SLC24A2: variants seen among roughly 807,000 people sequenced by gnomAD.
SLC24A2 encodes the protein sodium/potassium/calcium exchanger 2.
Under a neutral mutation model 62.0 loss-of-function variants are expected in SLC24A2, and 36 were observed. The observed-to-expected ratio is 0.58, with a 90% CI of 0.44 to 0.77. The LOEUF (loss-of-function observed/expected upper bound fraction) is 0.77, where lower values mean the gene tolerates loss of function less well. Among genes scored for constraint, SLC24A2 ranks in the 30% least tolerant of loss-of-function variants. SLC24A2 has a pLI of 0.00. For synonymous variants in SLC24A2, 358 were observed against 294.0 expected, an observed-to-expected ratio of 1.22 and a Z score of -2.23; for missense variants, 846 against 817.9, an observed-to-expected ratio of 1.03 and a Z score of -0.42.
At chr9:19,914,614 T>C in the SLC24A2 span, among the ~76,000 whole-genome samples, 1 of 152,152 alleles carries the variant, frequency 6.6e-6, no homozygotes, top group Non-Finnish European at 1.5e-5. Flanking sequence ...GGACATGTTC[T>C]CTTAAGGCAT....
At chr9:19,841,441 C>G in the SLC24A2 span, among the ~76,000 whole-genome samples, 1 of 152,230 alleles carries the variant, frequency 6.6e-6, no homozygotes, top group East Asian at 1.9e-4. Context: ...TTCAGGCAGA[C>G]ACATACCTGG....
chr9:20,232,337 A>T, the SLC24A2 span, among the ~76,000 whole-genome samples: 1 of 152,186 alleles, frequency 6.6e-6, no homozygotes, highest in Non-Finnish European at 1.5e-5. Flanking sequence ...TACCTCTGGT[A>T]GAATTCGGCT....
the SLC24A2 span, among the ~76,000 whole-genome samples, chr9:20,155,296 C>A: frequency 1.3e-5 from 2 of 151,764 alleles, no homozygotes; most frequent in Non-Finnish European, 2.9e-5. Context: ...CTCATACCAC[C>A]TGTCCACCAT....
At chr9:20,051,617 C>A in the SLC24A2 span, among the ~76,000 whole-genome samples, 3 of 123,712 alleles carry the variant, frequency 2.4e-5, no homozygotes, top group African/African-American at 9.5e-5. Context: ...AAGGCATTCT[C>A]TATCTTTGTT....
intron 2 of SLC24A2, among the ~76,000 whole-genome samples, chr9:19,761,560 C>T (rs1433930003): frequency 3.3e-5 from 5 of 151,800 alleles, no homozygotes; most frequent in African/African-American, 1.2e-4. Context: ...TATACATGTG[C>T]CATGTTGGTG....
At chr9:19,960,065 G>A in the SLC24A2 span, among the ~76,000 whole-genome samples, 7 of 152,244 alleles carry the variant, frequency 4.6e-5, no homozygotes, top group East Asian at 1.9e-4. Flanking sequence ...AAGTGTGTCC[G>A]TTGAGGATAA....
chr9:20,228,476 TA>T, the SLC24A2 span, among the ~76,000 whole-genome samples: 439 of 151,476 alleles, frequency 2.9e-3, 3 homozygotes, highest in African/African-American at 0.01. Flanking sequence ...AATTGTCTTT[TA>T]AAAAAAAATC....
the SLC24A2 span, among the ~76,000 whole-genome samples, chr9:19,826,713 G>A: frequency 6.6e-6 from 1 of 152,122 alleles, no homozygotes; most frequent in African/African-American, 2.4e-5. Flanking sequence ...ATCCATAAGG[G>A]TAGAGCCCTC....
intron 5 of SLC24A2, among the ~76,000 whole-genome samples, chr9:19,587,589 T>A (rs1836413219): frequency 6.6e-6 from 1 of 152,130 alleles, no homozygotes; most frequent in South Asian, 2.1e-4. Context: ...ACTTCAGATC[T>A]AATCAAAAGA....
At chr9:19,521,485 G>T (rs1339300620) in intron 9 of SLC24A2, among the ~76,000 whole-genome samples, 1 of 152,166 alleles carries the variant, frequency 6.6e-6, no homozygotes, top group African/African-American at 2.4e-5. Flanking sequence ...GACACCCAGG[G>T]TCTCCATTCT....
the SLC24A2 span, among the ~76,000 whole-genome samples, chr9:19,806,478 C>T: frequency 1.2e-3 from 181 of 152,214 alleles, no homozygotes; most frequent in African/African-American, 4.1e-3. Flanking sequence ...CACCATCTTT[C>T]TATATAAGGT....
At chr9:19,889,691 T>A in the SLC24A2 span, among the ~76,000 whole-genome samples, 1 of 152,204 alleles carries the variant, frequency 6.6e-6, no homozygotes, top group Non-Finnish European at 1.5e-5. Flanking sequence ...TCACACTGAA[T>A]CATGAATTGA....
chr9:20,077,644 A>G, the SLC24A2 span, among the ~76,000 whole-genome samples: 246 of 152,230 alleles, frequency 1.6e-3, 1 homozygote, highest in African/African-American at 5.7e-3. Context: ...GTCTCATACT[A>G]AACTTGACCA....
At chr9:19,734,256 G>C (rs1008342252) in intron 2 of SLC24A2, among the ~76,000 whole-genome samples, 2 of 152,004 alleles carry the variant, frequency 1.3e-5, no homozygotes, top group Non-Finnish European at 2.9e-5. Context: ...TCTCTGTTTT[G>C]GTACCAGTAC....
chr9:19,943,950 T>G, the SLC24A2 span, among the ~76,000 whole-genome samples: 1 of 152,190 alleles, frequency 6.6e-6, no homozygotes, highest in Admixed American at 6.5e-5. Flanking sequence ...ACACCACATT[T>G]TTCTACCAAT....
the SLC24A2 span, among the ~76,000 whole-genome samples, chr9:19,941,460 A>G: frequency 2.0e-5 from 3 of 152,080 alleles, no homozygotes; most frequent in African/African-American, 4.8e-5. Context: ...TAATATAAAA[A>G]CATCACATAT....
At chr9:19,774,615 G>C (rs1010883032) in intron 2 of SLC24A2, among the ~76,000 whole-genome samples, 1 of 152,112 alleles carries the variant, frequency 6.6e-6, no homozygotes, top group African/African-American at 2.4e-5. Flanking sequence ...TGGGAAAAAC[G>C]GTGCTTCAGG....
intron 4 of SLC24A2, among the ~76,000 whole-genome samples, chr9:19,607,718 C>CAAAAAAAAAAAAAAAAAAAAAAAAAAA (rs769291086): frequency 1.5e-5 from 1 of 67,246 alleles, no homozygotes; most frequent in African/African-American, 5.3e-5. Flanking sequence ...GACTCTGTCT[C>CAAAAAAAAAAAAAAAAAAAAAAAAAAA]AAAAAAAAAA....
At chr9:19,875,015 A>AG in the SLC24A2 span, among the ~76,000 whole-genome samples, 1 of 151,858 alleles carries the variant, frequency 6.6e-6, no homozygotes, top group Admixed American at 6.6e-5. Flanking sequence ...AAAAAAAAAA[A>AG]AAGCTCAGCC....
Sources: allele counts gnomAD v4.1 joint callset (sites outside exome capture counted in the v4.1 genomes callset), GRCh38; gene constraint gnomAD v4.1.1; transcripts MANE v1.5; gene names NCBI Gene and HGNC (gene_info 2026-07-23, HGNC 2026-07-21).